Variants in C6orf118 observed in about 807,000 individuals in gnomAD.
C6orf118 encodes the protein chromosome 6 open reading frame 118, also known as uncharacterized protein C6orf118.
In C6orf118, 50 loss-of-function variants were observed where a neutral mutation model predicts 50.2. That is an observed-to-expected ratio of 1.00 (90% CI 0.79 to 1.26). The LOEUF is 1.26. C6orf118 is among the 50% of genes most tolerant of loss of function. The probability of loss-of-function intolerance (pLI) is 0.00; values close to 1 mark genes in which losing one functional copy is unlikely to be tolerated. For missense variants in C6orf118, 641 were observed against 578.7 expected, an observed-to-expected ratio of 1.11 and a Z score of -1.10; for synonymous variants, 239 against 230.9, an observed-to-expected ratio of 1.03 and a Z score of -0.32.
rs999978495 is a variant in C6orf118 at position 165,293,449 on chromosome 6, C to T, written c.1084G>A (p.Glu362Lys). 61 of 1,613,484 alleles carry T rather than the reference C, an allele frequency of 3.8e-5. No individual in the cohort carries two copies. The highest frequency in any genetic ancestry group is 5.0e-5 in the Non-Finnish European group (59 of 1,179,568). ...TTTGCAGACTGCAGCAATGCCACCT[C>T]CATCTCCAGTTCACTTCTGAGTCTA... ...NDRLRSELEM[E>K]VALLQSAKER... The change falls in exon 6 of 9, where the codon GAG becomes AAG. Residue 362 changes from glutamate (E) to lysine (K), a missense_variant. Transcript: ENST00000230301.
At chr6:165,284,078 T>C (rs1779826424) in intron 7 of C6orf118, among the ~76,000 whole-genome samples, 1 of 152,058 alleles carries the variant, frequency 6.6e-6, no homozygotes, top group East Asian at 1.9e-4. Flanking sequence ...CTAAGAACCA[T>C]GATAAAACAT....
At chr6:165,301,297 C>T (rs1324449090) in intron 2 of C6orf118, among the ~76,000 whole-genome samples, 2 of 151,886 alleles carry the variant, frequency 1.3e-5, no homozygotes, top group Non-Finnish European at 1.5e-5. Flanking sequence ...GCACCAAGAG[C>T]ACTGCACCGA....
At position 165,301,688 on chromosome 6, in the gene C6orf118, C is replaced by T. The variant is rs201539458; in HGVS notation, c.634G>A (p.Ala212Thr). 9.6e-5 allele frequency: 155 copies of T among 1,614,042 alleles called. No individual in the cohort carries two copies. The highest frequency in any genetic ancestry group is 1.6e-4 in the Middle Eastern group (1 of 6,084). Residue 212 changes from alanine (A) to threonine (T), a missense_variant, in exon 2 of 9, where the codon GCA becomes ACA. Transcript: ENST00000230301. ...VSSYLAGATS[A>T]DRYRMFLRFQ... ...CGCAGGAACATCCTGTACCTGTCTG[C>T]GCTGGTGGCTCCGGCCAGGTAGGAG...
At chr6:165,287,207 G>C (rs117323814) in intron 7 of C6orf118, among the ~76,000 whole-genome samples, 8,740 of 152,060 alleles carry the variant, frequency 0.057, 302 homozygotes, top group Non-Finnish European at 0.084. Context: ...AAATATCTAG[G>C]AATATAGCCA....
chr6:165,306,535 CAAAAAAAAAAA>C (rs60755206), intron 1 of C6orf118, among the ~76,000 whole-genome samples: 1,095 of 39,808 alleles, frequency 0.028, 27 homozygotes, highest in African/African-American at 0.076. Flanking sequence ...TAGGTGAATG[CAAAAAAAAAAA>C]AAAAAAAAAA....
Position 165,301,779 on chromosome 6 carries a change from G to C in C6orf118, c.543C>G (p.Asp181Glu). 6.2e-7 allele frequency: 1 copy of C among 1,614,040 alleles called. No individual in the cohort carries two copies. The highest frequency in any genetic ancestry group is 8.5e-7 in the Non-Finnish European group (1 of 1,180,000). ...WRRREELRLP[D>E]LKVLCYQEAG... The stretch of plus-strand genomic sequence containing the variant: ...CCTCCTGGTAGCACAGCACCTTCAA[G>C]TCGGGCAGCCGGAGTTCTTCCCTCC... The change falls in exon 2 of 9, where the codon GAC becomes GAG. Residue 181 changes from aspartate to glutamate, a missense_variant. Physicochemically the swap from Asp to Glu is conservative, Grantham distance 45. Coordinates refer to ENST00000230301, the MANE Select transcript of C6orf118 (RefSeq NM_144980.4).
In C6orf118 at chr6:165,309,571, C is replaced by G. The variant is rs776887434; in HGVS notation, c.16G>C (p.Glu6Gln). Residue 6 changes from glutamate to glutamine, a missense_variant, in exon 1 of 9, where the codon GAG (glutamate) becomes CAG (glutamine). By Grantham distance (29) the Glu-to-Gln change is conservative (BLOSUM62 2). Transcript: ENST00000230301. ...GCTCCAGGCCACTTACATTCAGGCTCCCGCTCCTCCGCCATCGCTTCCTTC... is the reference window on the plus strand; with the variant it reads ...GCTCCAGGCCACTTACATTCAGGCTGCCGCTCCTCCGCCATCGCTTCCTTC... MAEER[E>Q]PELYLKWKHC... 3.7e-6 allele frequency: 6 copies of G among 1,614,084 alleles called. No homozygotes were observed. The highest frequency in any genetic ancestry group is 5.1e-6 in the Non-Finnish European group (6 of 1,180,048).
intron 1 of C6orf118, among the ~76,000 whole-genome samples, chr6:165,305,103 T>A: frequency 1.5e-5 from 1 of 66,770 alleles, no homozygotes; most frequent in Non-Finnish European, 2.6e-5. Flanking sequence ...CAAAACAGCA[T>A]GGTACTGGTA....
chr6:165,293,389 G>A, intron 6 of C6orf118, 24 bp downstream of exon 6: 1 of 1,611,070 alleles, frequency 6.2e-7, no homozygotes, highest in Non-Finnish European at 8.5e-7. Flanking sequence ...CACCCATAAG[G>A]AAGGACATCA....
At chr6:165,285,969 A>C (rs1332412209) in intron 7 of C6orf118, among the ~76,000 whole-genome samples, 1 of 152,050 alleles carries the variant, frequency 6.6e-6, no homozygotes, top group Non-Finnish European at 1.5e-5. Flanking sequence ...ACCTTCAAAA[A>C]ATCAGTGAAT....
intron 1 of C6orf118, among the ~76,000 whole-genome samples, chr6:165,303,070 G>C (rs1189392587): frequency 6.6e-6 from 1 of 152,188 alleles, no homozygotes; most frequent in Non-Finnish European, 1.5e-5. Context: ...AAGAAGGAGA[G>C]TTTCTTTCTG....
Position 165,301,932 on chromosome 6 carries a change from C to T in C6orf118, c.390G>A (p.Arg130=), listed in dbSNP as rs762477620. 1 of 1,613,882 alleles carries T rather than the reference C, an allele frequency of 6.2e-7. No individual in the cohort carries two copies. Among genetic ancestry groups the T allele is most frequent in the Non-Finnish European group, 8.5e-7 (1 of 1,180,018 alleles). The change falls in exon 2 of 9, where the codon AGG becomes AGA. Residue 130 remains arginine (R), a synonymous_variant. Coordinates refer to ENST00000230301, the MANE Select transcript of C6orf118 (RefSeq NM_144980.4). ...PSEAQDTPLF[R]YLNPQASLSH... is the part of the protein sequence containing the mutation. ...AAAGAGAGGCCTGGGGGTTCAGGTA[C>T]CTGAACAGCGGGGTGTCCTGGGCCT...
chr6:165,309,438 A>G (rs765249976), intron 1 of C6orf118, 124 bp downstream of exon 1: 42 of 1,155,474 alleles, frequency 3.6e-5, no homozygotes, highest in Admixed American at 7.3e-5. Flanking sequence ...GTGACCCTGG[A>G]GCCGGCGTGC....
At chr6:165,293,799 T>TA (rs1018521759) in intron 5 of C6orf118, among the ~76,000 whole-genome samples, 1 of 152,116 alleles carries the variant, frequency 6.6e-6, no homozygotes, top group Non-Finnish European at 1.5e-5. Flanking sequence ...AAAGATAATT[T>TA]AAAAAAACGT....
chr6:165,293,103 A>T, intron 6 of C6orf118: 2 of 287,384 alleles, frequency 7.0e-6, no homozygotes, highest in Non-Finnish European at 1.3e-5. Context: ...AAATAATTTT[A>T]ATATCTATTT....
Position 165,299,437 on chromosome 6 carries a change from C to A in C6orf118, c.936+6G>T. On this transcript the variant is annotated splice_donor_region_variant and intron_variant, in intron 4 of 8. Transcript: ENST00000230301. ...TCTATTCAGGCTCTTTGTGATCGAT[C>A]GTCACCTCGTACTGTGCTGCAGGCT... 6 of 1,613,574 alleles carry A rather than the reference C, an allele frequency of 3.7e-6. No homozygotes were observed. Among genetic ancestry groups the A allele is most frequent in the Non-Finnish European group, 5.1e-6 (6 of 1,179,574 alleles).
intron 1 of C6orf118, among the ~76,000 whole-genome samples, chr6:165,308,535 C>T (rs1416842075): frequency 7.2e-5 from 11 of 152,094 alleles, no homozygotes; most frequent in African/African-American, 2.4e-4. Context: ...TTCCCCAGAT[C>T]CCCTAGAAAG....
chr6:165,299,439 T>C lies in C6orf118; in HGVS notation c.936+4A>G, dbSNP rs1273099213. The stretch of plus-strand genomic sequence containing the variant: ...TATTCAGGCTCTTTGTGATCGATCG[T>C]CACCTCGTACTGTGCTGCAGGCTGG... On this transcript the variant is annotated splice_donor_region_variant and intron_variant, in intron 4 of 8. Coordinates refer to ENST00000230301, the MANE Select transcript of C6orf118 (RefSeq NM_144980.4). The C allele has an allele frequency of 2.5e-6, 4 of 1,613,684 alleles. No homozygotes were observed. Among genetic ancestry groups the C allele is most frequent in the Middle Eastern group, 1.6e-4 (1 of 6,084 alleles).
intron 1 of C6orf118, among the ~76,000 whole-genome samples, chr6:165,309,059 A>G (rs1457243501): frequency 6.6e-6 from 1 of 152,190 alleles, no homozygotes; most frequent in Non-Finnish European, 1.5e-5. Flanking sequence ...CATGCGTAAA[A>G]TCACATTAAT....
Sources: allele counts gnomAD v4.1 joint callset (sites outside exome capture counted in the v4.1 genomes callset), GRCh38; gene constraint gnomAD v4.1.1; transcripts MANE v1.5; gene names NCBI Gene and HGNC (gene_info 2026-07-23, HGNC 2026-07-21).